The following PLCH2 variants were observed in gnomAD, a reference collection of about 807,000 sequenced individuals.
PLCH2 encodes 1-phosphatidylinositol 4,5-bisphosphate phosphodiesterase eta-2.
In PLCH2, 98 loss-of-function variants were observed where a neutral mutation model predicts 134.7. The ratio of observed to expected loss-of-function variants is 0.73; its 90% CI spans 0.62 to 0.86. PLCH2 has a LOEUF of 0.86. PLCH2 is among the 40% of genes least tolerant of loss of function. The probability of loss-of-function intolerance (pLI) is 0.00; values close to 1 mark genes in which losing one functional copy is unlikely to be tolerated. For synonymous variants in PLCH2, 974 were observed against 827.5 expected (o/e 1.18, Z -3.04); for missense variants, 1,994 against 1,986.6 (o/e 1.00, Z -0.07).
rs754350014 is a variant in PLCH2, at chr1:2,502,523, G to T, written c.2959+114G>T. ...CGCCACATGCATGAAGTGTGTGGTG[G>T]GATCCTGCGCCGGCGTGAACACCGG... On this transcript the variant is annotated intron_variant, in intron 21 of 21. Transcript: ENST00000378486. The T allele has an allele frequency of 2.6e-6, 3 of 1,134,128 alleles. No homozygotes were observed. The South Asian group carries it at 4.0e-5, about 15-fold the overall frequency. 70.3% of individuals were successfully genotyped at this position (1,134,128 alleles called of 1,614,324 possible).
intron 2 of PLCH2, among the ~76,000 whole-genome samples, chr1:2,433,752 C>A (rs189154166): frequency 3.0e-4 from 46 of 152,300 alleles, no homozygotes; most frequent in Admixed American, 1.6e-3. Context: ...AAAATCAGAC[C>A]AGCCATTGCC....
chr1:2,495,443 C>T (rs1257876949), intron 12 of PLCH2, 45 bp from the exon 13 acceptor site: 1 of 1,514,520 alleles, frequency 6.6e-7, no homozygotes. Flanking sequence ...CAAGGCCTGG[C>T]CTGGGCCAGA....
chr1:2,502,272 G>A lies in PLCH2; in HGVS notation c.2822G>A (p.Arg941His), dbSNP rs768127979. 2.9e-5 allele frequency: 44 copies of A among 1,539,246 alleles called. No individual in the cohort carries two copies. The highest frequency in any genetic ancestry group is 2.3e-4 in the South Asian group (19 of 83,352). ...SAPTKSQKPGRRGFPELVLGT... is the reference protein window; with the variant it reads ...SAPTKSQKPGHRGFPELVLGT... ...CCGACCAAGAGCCAGAAGCCGGGCC[G>A]CAGGGGCTTCCCGGAGCTGGTCCTG... Residue 941 changes from arginine to histidine, a missense_variant, in exon 21 of 22, where the codon CGC becomes CAC. By Grantham distance (29) the Arg-to-His change is conservative (BLOSUM62 0). Around this residue, in one of 2 missense-constraint regions of PLCH2, gnomAD observed 900 missense variants for 752.3 expected, o/e 1.20. Transcript: ENST00000378486.
At chr1:2,460,326 C>A (rs549802338) in intron 2 of PLCH2, among the ~76,000 whole-genome samples, 4 of 152,264 alleles carry the variant, frequency 2.6e-5, no homozygotes, top group South Asian at 2.1e-4. Flanking sequence ...GGGTGCGGGG[C>A]CTACCTCTGG....
intron 13 of PLCH2, among the ~76,000 whole-genome samples, chr1:2,496,395 C>A (rs1307759817): frequency 6.6e-6 from 1 of 152,242 alleles, no homozygotes; most frequent in African/African-American, 2.4e-5. Context: ...TGCCTAGGGA[C>A]TTTGCACCTG....
chr1:2,425,254 C>T (rs1243067221), upstream of PLCH2, among the ~76,000 whole-genome samples: 1 of 147,002 alleles, frequency 6.8e-6, no homozygotes, highest in East Asian at 1.9e-4. Flanking sequence ...GTAACACACA[C>T]ATACATACAC....
In PLCH2 at chr1:2,504,689, G is replaced by A; in HGVS notation, c.3727G>A (p.Val1243Met). ...GCCTCCCTGGGGCTGCCTTTCCCTG[G>A]TGGGCGTGCAGGACTGCCCCGTGGC... ...FRPPWGCLSL[V>M]GVQDCPVAAK... The change falls in exon 22 of 22, where the codon GTG becomes ATG. Residue 1243 changes from valine to methionine, a missense_variant. Val to Met is a conservative substitution (Grantham distance 21). This residue lies in a region of PLCH2 where 900 missense variants were observed against 752.3 expected (regional missense o/e 1.20). Transcript: ENST00000378486. 1 of 1,612,632 alleles carries A rather than the reference G, an allele frequency of 6.2e-7. No homozygotes were observed. The highest frequency in any genetic ancestry group is 8.5e-7 in the Non-Finnish European group (1 of 1,179,820).
In PLCH2 at chr1:2,456,322, C is replaced by A. The variant is rs190439786; in HGVS notation, c.116-22154C>A. 1.6e-3 allele frequency among the ~76,000 whole-genome samples: 250 copies of A among 152,326 alleles called. 2 individuals are homozygous for A. In the Middle Eastern group the frequency reaches 0.02, roughly 12 times the overall value. On this transcript the variant is annotated intron_variant, in intron 2 of 3. Coordinates refer to the PLCH2 transcript ENST00000609981. ...CGCTGGCTCCTACCTGACCTCATGG[C>A]CGCTGAGCCCCGCAGGGTCTTGGAG...
rs564157374 is a variant in PLCH2, at chr1:2,459,698, C to T, written c.116-18778C>T. 5.6e-4 allele frequency among the ~76,000 whole-genome samples: 83 copies of T among 147,930 alleles called. 1 individual carries two copies. The highest frequency in any genetic ancestry group is 1.8e-3 in the African/African-American group (70 of 39,810). On this transcript the variant is annotated intron_variant, in intron 2 of 3. Coordinates refer to the PLCH2 transcript ENST00000609981. ...CTTCCTTTCCGGTGGTCTTCCTTTC[C>T]GGTGGTCTTCCTTTCCGGTGGTCCT...
chr1:2,501,864 CG>C, intron 20 of PLCH2: 1 of 456,202 alleles, frequency 2.2e-6, no homozygotes, highest in East Asian at 3.6e-5. Context: ...CAGTTTCTGC[CG>C]GAAGGGTGGG....
Position 2,437,869 on chromosome 1 carries a change from C to T in PLCH2, c.115+7240C>T, listed in dbSNP as rs577092861. ...CACGTGCACACACAGTACATGCACC[C>T]ACGCACGTGGCCGTCCATCTCAGTG... On this transcript the variant is annotated intron_variant, in intron 2 of 3. Transcript: ENST00000609981. 5.9e-5 allele frequency among the ~76,000 whole-genome samples: 9 copies of T among 152,358 alleles called. No homozygotes were observed. The East Asian group carries it at 9.6e-4, about 16-fold the overall frequency.
At chr1:2,416,342 C>T in the PLCH2 span, among the ~76,000 whole-genome samples, 1 of 152,202 alleles carries the variant, frequency 6.6e-6, no homozygotes, top group Non-Finnish European at 1.5e-5. Flanking sequence ...TTCTCTTTAG[C>T]TATACATGGG....
intron 2 of PLCH2, among the ~76,000 whole-genome samples, chr1:2,432,832 G>C (rs186859289): frequency 1.3e-5 from 2 of 152,214 alleles, no homozygotes; most frequent in African/African-American, 4.8e-5. Context: ...GTCCGGAGGG[G>C]CTGTCACAGG....
At chr1:2,486,814 G>GA in intron 5 of PLCH2, 93 bp from the exon 6 acceptor site, 1 of 943,810 alleles carries the variant, frequency 1.1e-6, no homozygotes, top group African/African-American at 1.6e-5. Flanking sequence ...TGTAATCAGA[G>GA]ACAGGCAGGG....
chr1:2,462,625 A>C (rs1335823860), upstream of PLCH2, among the ~76,000 whole-genome samples: 1 of 151,970 alleles, frequency 6.6e-6, no homozygotes, highest in Non-Finnish European at 1.5e-5. Flanking sequence ...CTTCCTCCTC[A>C]GCCAGGCGAT....
chr1:2,467,181 G>T (rs1641094821), upstream of PLCH2, among the ~76,000 whole-genome samples: 1 of 149,974 alleles, frequency 6.7e-6, no homozygotes. Flanking sequence ...GAGCCCTGCC[G>T]GGAGGGAGGG....
chr1:2,502,442 C>T (rs1386125712), intron 21 of PLCH2, 33 bp downstream of exon 21: 2 of 1,541,244 alleles, frequency 1.3e-6, no homozygotes, highest in Admixed American at 2.0e-5. Context: ...AGAGAAGAGC[C>T]CTGTGCGAGT....
chr1:2,469,766 G>A (rs1213253660), intron 1 of PLCH2, among the ~76,000 whole-genome samples: 18 of 152,238 alleles, frequency 1.2e-4, no homozygotes, highest in South Asian at 2.1e-4. Flanking sequence ...GTGTGGGAAA[G>A]GCGAGTGGGC....
chr1:2,474,407 G>A (rs1641504750), upstream of PLCH2, among the ~76,000 whole-genome samples: 1 of 152,214 alleles, frequency 6.6e-6, no homozygotes, highest in Admixed American at 6.5e-5. Flanking sequence ...GGATTAGCCA[G>A]GCCTCCACCC....
Sources: allele counts gnomAD v4.1 joint callset (sites outside exome capture counted in the v4.1 genomes callset), GRCh38; gene constraint gnomAD v4.1.1; regional missense constraint gnomAD v4.1.1; transcripts MANE v1.5; gene names NCBI Gene and HGNC (gene_info 2026-07-23, HGNC 2026-07-21).